Variants in NTM observed in about 807,000 individuals in gnomAD.
The protein encoded by NTM is IgLON family member 2.
NTM carries 13 observed loss-of-function variants against 42.1 expected under a neutral mutation model. That is an observed-to-expected ratio of 0.31 (90% confidence interval 0.20 to 0.49). The LOEUF is 0.49. NTM is among the 20% of genes least tolerant of loss of function. NTM has a pLI of 0.99. For synonymous variants in NTM, 187 were observed against 179.2 expected (o/e 1.04, Z -0.35); for missense variants, 373 against 452.8 (o/e 0.82, Z 1.60).
intron 4 of NTM, among the ~76,000 whole-genome samples, chr11:132,240,801 C>T (rs570673350): frequency 6.6e-6 from 1 of 152,320 alleles, no homozygotes; most frequent in African/African-American, 2.4e-5. Flanking sequence ...TGCGCTTTGG[C>T]ATAACAAAGT....
intron 1 of NTM, among the ~76,000 whole-genome samples, chr11:131,627,890 A>T (rs116309792): frequency 5.9e-5 from 9 of 152,164 alleles, no homozygotes; most frequent in African/African-American, 1.7e-4. Flanking sequence ...TCTTTATAAT[A>T]GGGATTCCAC....
At chr11:131,861,726 TAAAATG>T (rs1354739229) in intron 1 of NTM, among the ~76,000 whole-genome samples, 9 of 151,670 alleles carry the variant, frequency 5.9e-5, no homozygotes, top group Admixed American at 4.6e-4. Flanking sequence ...GAATATGTCT[TAAAATG>T]CAAAAAGAAA....
At chr11:131,926,216 A>G (rs1465088815) in intron 2 of NTM, among the ~76,000 whole-genome samples, 1 of 152,200 alleles carries the variant, frequency 6.6e-6, no homozygotes, top group African/African-American at 2.4e-5. Flanking sequence ...CTGAGTAAAC[A>G]GAGTGCCAGC....
intron 1 of NTM, among the ~76,000 whole-genome samples, chr11:131,841,151 C>T (rs34099215): frequency 0.1 from 15,392 of 152,226 alleles, 1,111 homozygotes; most frequent in East Asian, 0.36. Flanking sequence ...TGTTGTTCCT[C>T]TCCTCAAAGT....
intron 1 of NTM, among the ~76,000 whole-genome samples, chr11:131,624,696 G>A (rs146647963): frequency 5.4e-4 from 82 of 152,324 alleles, no homozygotes; most frequent in African/African-American, 1.9e-3. Flanking sequence ...TTTGTGCTTT[G>A]TGAAGTCAGA....
At chr11:131,509,044 A>G (rs2047898517) in intron 1 of NTM, among the ~76,000 whole-genome samples, 1 of 151,826 alleles carries the variant, frequency 6.6e-6, no homozygotes, top group Non-Finnish European at 1.5e-5. Context: ...ATAATAAAAA[A>G]TAATAATAAT....
chr11:131,434,640 GTTCTT>G (rs1476755646), intron 1 of NTM, among the ~76,000 whole-genome samples: 8 of 152,242 alleles, frequency 5.3e-5, no homozygotes, highest in African/African-American at 9.6e-5. Flanking sequence ...GAGGTTGTTT[GTTCTT>G]TTCTTGTAAA....
At chr11:131,386,451 G>A (rs1943325940) in intron 1 of NTM, among the ~76,000 whole-genome samples, 1 of 152,206 alleles carries the variant, frequency 6.6e-6, no homozygotes, top group Non-Finnish European at 1.5e-5. Flanking sequence ...TTAAAAGGGT[G>A]AATTTTATTT....
At position 131,499,858 on chromosome 11, in the gene NTM, T is replaced by C. The variant is rs1261026463; in HGVS notation, c.82+128970T>C. Among the ~76,000 whole-genome samples, 6 of 152,172 alleles carry C rather than the reference T, an allele frequency of 3.9e-5. No homozygotes were observed. In the South Asian group the frequency reaches 1.2e-3, roughly 32 times the overall value. On this transcript the variant is annotated intron_variant, in intron 1 of 8. Coordinates refer to ENST00000683400, the MANE Select transcript of NTM (RefSeq NM_001352005.2). ...GGTTTAGTGTGTACTTCTGTGTCAG[T>C]TGTATCTACACGTCTATTATTTTGT...
At chr11:131,646,350 A>C (rs894365123) in intron 1 of NTM, among the ~76,000 whole-genome samples, 1 of 152,182 alleles carries the variant, frequency 6.6e-6, no homozygotes, top group Non-Finnish European at 1.5e-5. Context: ...GATGCGTATA[A>C]AGAAAAAAGT....
chr11:132,041,231 T>TAGAGAGAG (rs10598969), intron 2 of NTM, among the ~76,000 whole-genome samples: 13 of 145,568 alleles, frequency 8.9e-5, no homozygotes, highest in African/African-American at 3.1e-4. Flanking sequence ...GAGAGATAGA[T>TAGAGAGAG]AGAGAGAGAG....
intron 1 of NTM, chr11:131,573,565 C>T (rs1483904988): frequency 6.6e-6 from 1 of 152,198 alleles, no homozygotes; most frequent in East Asian, 1.9e-4. Flanking sequence ...GACCACCTCT[C>T]CCAGGCACAT....
chr11:131,962,245 G>A (rs1005104609), intron 2 of NTM, among the ~76,000 whole-genome samples: 1 of 152,184 alleles, frequency 6.6e-6, no homozygotes, highest in Non-Finnish European at 1.5e-5. Context: ...GAGGGGGTAG[G>A]AAGGATCAAG....
chr11:131,505,646 C>G (rs183254965), intron 1 of NTM, among the ~76,000 whole-genome samples: 121 of 152,296 alleles, frequency 7.9e-4, no homozygotes, highest in African/African-American at 2.9e-3. Context: ...AGTCCTTCAC[C>G]ACCATGGCAG....
intron 1 of NTM, among the ~76,000 whole-genome samples, chr11:131,737,191 G>A (rs1222008926): frequency 6.6e-6 from 1 of 152,204 alleles, no homozygotes; most frequent in Non-Finnish European, 1.5e-5. Flanking sequence ...TTTAACGGAA[G>A]AGAATTGGTC....
intron 1 of NTM, among the ~76,000 whole-genome samples, chr11:131,664,753 GTTTTTT>G (rs199824869): frequency 0.016 from 1,827 of 112,868 alleles, 30 homozygotes; most frequent in Middle Eastern, 0.023. Flanking sequence ...CTCTTCCATT[GTTTTTT>G]TTTTTTTTTT....
At chr11:131,686,330 C>T (rs1188344648) in intron 1 of NTM, among the ~76,000 whole-genome samples, 1 of 152,268 alleles carries the variant, frequency 6.6e-6, no homozygotes. Flanking sequence ...CATGAACTGT[C>T]AATTAACATG....
chr11:131,932,815 T>C (rs1200674959), intron 2 of NTM, among the ~76,000 whole-genome samples: 2 of 152,216 alleles, frequency 1.3e-5, no homozygotes, highest in East Asian at 1.9e-4. Flanking sequence ...GAACAGCCGA[T>C]CCTTGGGGCA....
In NTM at chr11:132,303,182, A is replaced by G. The variant is rs2094929889; in HGVS notation, c.527-4507A>G. On this transcript the variant is annotated intron_variant, in intron 4 of 8. Transcript: ENST00000683400. ...AGAGTTAGGAGACAAAAGGGAATGT[A>G]TTAGTGTCCCAGGACTACTGTGACA... Among the ~76,000 whole-genome samples the G allele has an allele frequency of 1.3e-5, 2 of 152,260 alleles. 1 individual carries two copies. The highest frequency in any genetic ancestry group is 1.3e-4 in the Admixed American group (2 of 15,288).
Sources: gnomAD v4.1 joint callset for allele counts (sites outside exome capture counted in the v4.1 genomes callset) on GRCh38, gnomAD v4.1.1 for gene constraint, MANE v1.5 for transcripts, NCBI Gene and HGNC (gene_info 2026-07-23, HGNC 2026-07-21) for gene names.